TRPS1: variants seen among roughly 807,000 people sequenced by gnomAD.
TRPS1 encodes the protein zinc finger transcription factor Trps1.
A neutral mutation model predicts 101.2 loss-of-function variants in TRPS1; 6 were observed. The observed-to-expected ratio is 0.06, with a 90% CI of 0.03 to 0.12. The LOEUF (loss-of-function observed/expected upper bound fraction) is 0.12, where lower values mean the gene tolerates loss of function less well. Among genes scored for constraint, TRPS1 ranks in the 10% least tolerant of loss-of-function variants. TRPS1 has a pLI of 1.00. For missense variants in TRPS1, 1,363 were observed against 1,567.0 expected (o/e 0.87, Z 2.20); for synonymous variants, 578 against 589.8 (o/e 0.98, Z 0.29).
intron 5 of TRPS1, among the ~76,000 whole-genome samples, chr8:115,463,169 A>T (rs1328647674): frequency 6.6e-6 from 1 of 152,204 alleles, no homozygotes; most frequent in Non-Finnish European, 1.5e-5. Context: ...TTCACTTAGA[A>T]GTATTCATAA....
At chr8:115,555,022 G>A (rs1183580869) in intron 5 of TRPS1, among the ~76,000 whole-genome samples, 1 of 152,146 alleles carries the variant, frequency 6.6e-6, no homozygotes, top group Non-Finnish European at 1.5e-5. Context: ...CTACTTCCTA[G>A]TTACTGATAC....
chr8:115,562,164 T>C (rs976042169), intron 5 of TRPS1, among the ~76,000 whole-genome samples: 4 of 151,984 alleles, frequency 2.6e-5, no homozygotes, highest in African/African-American at 4.8e-5. Flanking sequence ...TTAACAAACA[T>C]TGTAATTTTA....
intron 5 of TRPS1, among the ~76,000 whole-genome samples, chr8:115,426,283 T>A (rs1813184783): frequency 6.6e-6 from 1 of 152,128 alleles, no homozygotes; most frequent in African/African-American, 2.4e-5. Context: ...ATTCTTCTAA[T>A]AAATTTGTTG....
At chr8:115,618,934 C>T (rs1818325983) in intron 3 of TRPS1, among the ~76,000 whole-genome samples, 198 bp downstream of exon 3, 1 of 152,132 alleles carries the variant, frequency 6.6e-6, no homozygotes, top group African/African-American at 2.4e-5. Context: ...TTGTTTTCCA[C>T]AATAAGAGGC....
intron 5 of TRPS1, among the ~76,000 whole-genome samples, chr8:115,575,894 G>C (rs986252869): frequency 3.3e-5 from 5 of 152,096 alleles, no homozygotes; most frequent in Admixed American, 3.3e-4. Flanking sequence ...GCTGGGATTA[G>C]AGTCTATTCA....
At chr8:115,592,147 G>A (rs928101234) in intron 4 of TRPS1, among the ~76,000 whole-genome samples, 3 of 152,148 alleles carry the variant, frequency 2.0e-5, no homozygotes, top group Admixed American at 6.5e-5. Flanking sequence ...GGGCAGCATT[G>A]CAACCCAAAG....
chr8:115,550,518 T>C (rs1253831139), intron 5 of TRPS1, among the ~76,000 whole-genome samples: 2 of 152,144 alleles, frequency 1.3e-5, no homozygotes, highest in African/African-American at 2.4e-5. Context: ...TTAATGCAAA[T>C]TCATATAAAG....
chr8:115,541,165 T>C (rs1816443511), intron 5 of TRPS1, among the ~76,000 whole-genome samples: 2 of 152,234 alleles, frequency 1.3e-5, no homozygotes, highest in Non-Finnish European at 2.9e-5. Context: ...TATGTTACAT[T>C]AGAGAACAAA....
intron 1 of TRPS1, among the ~76,000 whole-genome samples, chr8:115,656,342 CTT>C (rs1472419554): frequency 2.0e-5 from 3 of 152,074 alleles, no homozygotes; most frequent in Non-Finnish European, 4.4e-5. Context: ...TCTAAAATGT[CTT>C]TACATTAAAA....
chr8:115,619,616 A>G lies in TRPS1; in HGVS notation c.482T>C (p.Leu161Pro). The change falls in exon 3 of 7, where the codon CTG becomes CCG. Residue 161 changes from leucine (L) to proline (P), a missense_variant. Leu to Pro is a moderately conservative substitution (Grantham distance 98, BLOSUM62 -3). Around this residue, in one of 5 missense-constraint regions of TRPS1, gnomAD observed 1,020 missense variants for 1,073.0 expected, o/e 0.95. Coordinates refer to ENST00000395715, the MANE Select transcript of TRPS1 (RefSeq NM_014112.5). Reference protein sequence around the residue: ...DMACTPSGDSLETKEDQKMSP... With the variant: ...DMACTPSGDSPETKEDQKMSP... The stretch of plus-strand genomic sequence containing the variant: ...CATCTTCTGATCTTCCTTTGTCTCC[A>G]GTGAGTCCCCTGAGGGGGTGCAGGC... 6.2e-7 allele frequency: 1 copy of G among 1,614,144 alleles called. No homozygotes were observed.
intron 5 of TRPS1, among the ~76,000 whole-genome samples, chr8:115,552,072 C>T (rs771119925): frequency 3.9e-5 from 6 of 152,124 alleles, no homozygotes; most frequent in African/African-American, 9.7e-5. Context: ...TACTCCCCAG[C>T]GACATGTTCA....
chr8:115,576,837 ACACT>A (rs766087786), intron 5 of TRPS1, among the ~76,000 whole-genome samples: 3 of 152,314 alleles, frequency 2.0e-5, no homozygotes, highest in Non-Finnish European at 2.9e-5. Flanking sequence ...AAACTCAAAA[ACACT>A]CAGTAGTCAC....
At chr8:115,529,341 G>A (rs144575008) in intron 5 of TRPS1, among the ~76,000 whole-genome samples, 21 of 152,092 alleles carry the variant, frequency 1.4e-4, no homozygotes, top group African/African-American at 5.1e-4. Context: ...TGAAGAAGCC[G>A]ATCTGAGTCA....
At chr8:115,659,595 C>T (rs1586503984) in intron 1 of TRPS1, among the ~76,000 whole-genome samples, 1 of 151,906 alleles carries the variant, frequency 6.6e-6, no homozygotes, top group African/African-American at 2.4e-5. Flanking sequence ...CTTAACTTGG[C>T]ATCAAAAAGC....
chr8:115,523,163 C>A (rs551957813), intron 5 of TRPS1, among the ~76,000 whole-genome samples: 1 of 152,044 alleles, frequency 6.6e-6, no homozygotes, highest in East Asian at 1.9e-4. Flanking sequence ...CTGTTAAGTG[C>A]AAGTTTTACC....
chr8:115,435,946 A>C (rs927955452), intron 5 of TRPS1, among the ~76,000 whole-genome samples: 1 of 151,506 alleles, frequency 6.6e-6, no homozygotes, highest in Non-Finnish European at 1.5e-5. Context: ...ATGTCTCGAT[A>C]CTAGGATTTT....
intron 1 of TRPS1, among the ~76,000 whole-genome samples, chr8:115,651,086 G>A (rs1405971514): frequency 6.6e-6 from 1 of 152,150 alleles, no homozygotes; most frequent in Non-Finnish European, 1.5e-5. Context: ...TGACCTTAGA[G>A]CCTAACACTG....
Position 115,409,323 on chromosome 8 carries a change from G to A in TRPS1, c.*4700C>T, listed in dbSNP as rs71530807. On this transcript the variant is annotated 3_prime_UTR_variant, in exon 7 of 7. Transcript: ENST00000395715. The stretch of plus-strand genomic sequence containing the variant: ...TTGAGTTTTGGGACTCTATGCTCTA[G>A]AAGGACAATTTTCTCTGATAAAAGC... 1.4e-5 allele frequency: 2 copies of A among 140,442 alleles called. No individual in the cohort carries two copies. 8.7% of individuals were successfully genotyped at this position (140,442 alleles called of 1,614,324 possible).
intron 5 of TRPS1, among the ~76,000 whole-genome samples, chr8:115,586,023 G>A (rs1817553740): frequency 6.6e-6 from 1 of 152,190 alleles, no homozygotes; most frequent in Non-Finnish European, 1.5e-5. Context: ...TACATCCAGA[G>A]AGAACTCACT....
Sources: allele counts gnomAD v4.1 joint callset (sites outside exome capture counted in the v4.1 genomes callset), GRCh38; gene constraint gnomAD v4.1.1; regional missense constraint gnomAD v4.1.1; transcripts MANE v1.5; gene names NCBI Gene and HGNC (gene_info 2026-07-23, HGNC 2026-07-21).